The following TMBIM6 variants were observed in gnomAD, a reference collection of about 807,000 sequenced individuals.
TMBIM6 encodes transmembrane BAX inhibitor motif containing 6.
In TMBIM6, 13 loss-of-function variants were observed where a neutral mutation model predicts 31.4. That is an observed-to-expected ratio of 0.41 (90% CI 0.27 to 0.66). TMBIM6 has a LOEUF of 0.66. Among genes scored for constraint, TMBIM6 ranks in the 30% least tolerant of loss-of-function variants. The pLI is 0.28. For missense variants in TMBIM6, 275 were observed against 289.5 expected (o/e 0.95, Z 0.36); for synonymous variants, 85 against 101.7 (o/e 0.84, Z 0.99).
Position 49,758,474 on chromosome 12 carries a change from C to G in TMBIM6, c.427C>G (p.Leu143Val), listed in dbSNP as rs771134201. ...LYARRRSYLF[L>V]GGILMSALSL... ...TGCCAGGCGCCGTAGCTACCTCTTT[C>G]TGGGAGGTAAGTGTGAACTGGGAAA... Residue 143 changes from leucine (L) to valine (V), a missense_variant, in exon 6 of 10, where the codon CTG (leucine) becomes GTG (valine). Physicochemically the swap from Leu to Val is conservative, Grantham distance 32 (BLOSUM62 1). Coordinates refer to ENST00000267115, the MANE Select transcript of TMBIM6 (RefSeq NM_003217.3). 6.2e-7 allele frequency: 1 copy of G among 1,613,892 alleles called. No individual in the cohort carries two copies.
Position 49,763,271 on chromosome 12 carries a change from G to A in TMBIM6, c.*375G>A, listed in dbSNP as rs377472837. 255 of 182,594 alleles carry A rather than the reference G, an allele frequency of 1.4e-3. 1 individual carries two copies. The highest frequency in any genetic ancestry group is 0.012 in the South Asian group (83 of 6,690). 11.3% of individuals were successfully genotyped at this position (182,594 alleles called of 1,614,324 possible). On this transcript the variant is annotated 3_prime_UTR_variant, in exon 10 of 10. Coordinates refer to ENST00000267115, the MANE Select transcript of TMBIM6 (RefSeq NM_003217.3). ...CCTGAACTGTTTGGTAGAGCCACCC[G>A]GCCCTTCCTTCCTCATTGTTGTTTG... is the stretch of plus-strand genomic sequence containing the variant.
chr12:49,742,777 C>T (rs999820569), intron 1 of TMBIM6, among the ~76,000 whole-genome samples: 15 of 152,122 alleles, frequency 9.9e-5, no homozygotes, highest in South Asian at 2.1e-4. Context: ...TGTATTTACA[C>T]TCTTTGGTGT....
chr12:49,748,994 A>T (rs1483268235), intron 1 of TMBIM6, among the ~76,000 whole-genome samples: 1 of 152,196 alleles, frequency 6.6e-6, no homozygotes, highest in African/African-American at 2.4e-5. Context: ...TTAAGAGCTG[A>T]TTGCTCCTAG....
rs1214170124 is a variant in TMBIM6, at chr12:49,763,257, T to A, written c.*361T>A. The A allele has an allele frequency of 5.1e-6, 1 of 196,784 alleles. No individual in the cohort carries two copies. Among genetic ancestry groups the A allele is most frequent in the Non-Finnish European group, 1.1e-5 (1 of 94,350 alleles). The allele number at this position is 196,784 out of a possible 1,614,324, so 12.2% of individuals were successfully genotyped here. A position where few individuals can be genotyped will look rare whatever the true frequency, so the allele number is the denominator to read the frequency against. On this transcript the variant is annotated 3_prime_UTR_variant, in exon 10 of 10. Transcript: ENST00000267115. The stretch of plus-strand genomic sequence containing the variant: ...ATTCACCCAGTGGACCTGAACTGTT[T>A]GGTAGAGCCACCCGGCCCTTCCTTC...
chr12:49,743,057 T>A (rs577915742), intron 1 of TMBIM6, among the ~76,000 whole-genome samples: 2 of 145,382 alleles, frequency 1.4e-5, no homozygotes, highest in Non-Finnish European at 3.0e-5. Context: ...CAGTCATGGC[T>A]CACTTGAACC....
At chr12:49,752,006 G>A (rs1421198290) in intron 1 of TMBIM6, among the ~76,000 whole-genome samples, 1 of 151,956 alleles carries the variant, frequency 6.6e-6, no homozygotes, top group Non-Finnish European at 1.5e-5. Context: ...CAGGTGATCC[G>A]CCCACCTCAG....
Position 49,758,210 on chromosome 12 carries a change from G to T in TMBIM6, c.287-17G>T. ...GAATTGATCGTAATACTGTGTTCTG[G>T]GTTTTCTGTTTTCTAGGAGTTGGCC... On this transcript the variant is annotated splice_polypyrimidine_tract_variant and intron_variant, in intron 4 of 9. Coordinates refer to ENST00000267115, the MANE Select transcript of TMBIM6 (RefSeq NM_003217.3). 6.2e-7 allele frequency: 1 copy of T among 1,614,102 alleles called. No homozygotes were observed. Among genetic ancestry groups the T allele is most frequent in the Non-Finnish European group, 8.5e-7 (1 of 1,179,986 alleles).
At chr12:49,750,165 C>G (rs190057806) in intron 1 of TMBIM6, among the ~76,000 whole-genome samples, 90 of 152,178 alleles carry the variant, frequency 5.9e-4, no homozygotes, top group African/African-American at 2.0e-3. Flanking sequence ...AGTCAGTACC[C>G]CCTGGGAAAC....
At chr12:49,759,458 A>G (rs1418956895) in intron 8 of TMBIM6, 137 bp downstream of exon 8, 11 of 685,620 alleles carry the variant, frequency 1.6e-5, no homozygotes, top group South Asian at 3.5e-5. Context: ...CGGTTTTGGA[A>G]CTGTGTACCA....
chr12:49,745,043 TA>T (rs1945364678), intron 1 of TMBIM6, among the ~76,000 whole-genome samples: 1 of 152,192 alleles, frequency 6.6e-6, no homozygotes, highest in African/African-American at 2.4e-5. Context: ...CAGTATTAGC[TA>T]ATCCAGGGAT....
chr12:49,758,378 A>T lies in TMBIM6; in HGVS notation c.336-5A>T, dbSNP rs924005294. The T allele has an allele frequency of 1.9e-6, 3 of 1,613,990 alleles. No individual in the cohort carries two copies. The highest frequency in any genetic ancestry group is 2.2e-5 in the South Asian group (2 of 91,080). ...CCTTAATCTAATGGTCTTTTTTTCT[A>T]ACAGCATCCTTCCCACTGCTTTCAT... On this transcript the variant is annotated splice_region_variant and splice_polypyrimidine_tract_variant and intron_variant, in intron 5 of 9. Transcript: ENST00000267115.
chr12:49,757,084 C>T (rs561983905), intron 4 of TMBIM6, among the ~76,000 whole-genome samples: 2 of 152,212 alleles, frequency 1.3e-5, no homozygotes, highest in South Asian at 2.1e-4. Context: ...TCAGACTGGT[C>T]TCGAACTCCT....
At chr12:49,751,082 T>C (rs547587898) in intron 1 of TMBIM6, among the ~76,000 whole-genome samples, 2 of 152,338 alleles carry the variant, frequency 1.3e-5, no homozygotes, top group African/African-American at 2.4e-5. Flanking sequence ...ACTGGATCTT[T>C]AGTACTGTAG....
rs375628544 is a variant in TMBIM6 at position 49,753,084 on chromosome 12, A to G, written c.165+3A>G. 3.7e-6 allele frequency: 6 copies of G among 1,611,424 alleles called. No individual in the cohort carries two copies. The highest frequency in any genetic ancestry group is 3.3e-5 in the South Asian group (3 of 90,482). On this transcript the variant is annotated splice_donor_region_variant and intron_variant, in intron 3 of 9. Transcript: ENST00000267115. ...ATATGGTCACTCATTTCATTCAGGTAAGAACGATTTTCTCTCCTGGTTGCT... is the reference window on the plus strand; with the variant it reads ...ATATGGTCACTCATTTCATTCAGGTGAGAACGATTTTCTCTCCTGGTTGCT...
At chr12:49,748,018 C>T (rs536671482) in intron 1 of TMBIM6, among the ~76,000 whole-genome samples, 16 of 152,278 alleles carry the variant, frequency 1.1e-4, no homozygotes, top group African/African-American at 3.1e-4. Flanking sequence ...ATTCTCCTGC[C>T]TCAGCCTCCT....
intron 1 of TMBIM6, among the ~76,000 whole-genome samples, chr12:49,743,841 C>T (rs1366266959): frequency 3.9e-5 from 6 of 152,146 alleles, no homozygotes; most frequent in African/African-American, 1.4e-4. Context: ...GGTTCTGGCT[C>T]TGCTATTTAA....
chr12:49,760,870 G>A (rs142301335), intron 8 of TMBIM6, among the ~76,000 whole-genome samples: 4,831 of 147,306 alleles, frequency 0.033, 114 homozygotes, highest in African/African-American at 0.071. Flanking sequence ...ACGGAGTTTC[G>A]CTCTTGTTGC....
chr12:49,756,742 G>GA (rs1565922100), intron 4 of TMBIM6, among the ~76,000 whole-genome samples: 11 of 125,240 alleles, frequency 8.8e-5, no homozygotes, highest in Non-Finnish European at 1.9e-4. Flanking sequence ...TTGTTTTTTT[G>GA]TTTTTTTTTT....
At chr12:49,750,217 C>A (rs184935771) in intron 1 of TMBIM6, among the ~76,000 whole-genome samples, 2 of 152,250 alleles carry the variant, frequency 1.3e-5, no homozygotes, top group Admixed American at 1.3e-4. Context: ...TGCCATTCTC[C>A]CCTCGAACAG....
Sources: gnomAD v4.1 joint callset for allele counts (sites outside exome capture counted in the v4.1 genomes callset) on GRCh38, gnomAD v4.1.1 for gene constraint, MANE v1.5 for transcripts, NCBI Gene and HGNC (gene_info 2026-07-23, HGNC 2026-07-21) for gene names.